Variants in DNAJB14 observed in about 807,000 individuals in gnomAD.
The protein encoded by DNAJB14 is dnaJ homolog subfamily B member 14.
A neutral mutation model predicts 48.4 loss-of-function variants in DNAJB14; 22 were observed. That is an observed-to-expected ratio of 0.45 (90% CI 0.32 to 0.65). DNAJB14 has a LOEUF of 0.65. Ranked by LOEUF, DNAJB14 falls within the 30% of genes least tolerant of loss-of-function variation. DNAJB14 has a pLI of 0.03. For synonymous variants in DNAJB14, 142 were observed against 158.7 expected, an observed-to-expected ratio of 0.89 and a Z score of 0.79; for missense variants, 319 against 458.8, an observed-to-expected ratio of 0.70 and a Z score of 2.78.
At chr4:99,913,322 T>C (rs1725732709) in intron 3 of DNAJB14, among the ~76,000 whole-genome samples, 1 of 152,234 alleles carries the variant, frequency 6.6e-6, no homozygotes. Context: ...AGTTCTGTAG[T>C]TGCTCTTTAT....
chr4:99,914,634 A>T (rs549404735), intron 3 of DNAJB14, among the ~76,000 whole-genome samples: 20 of 152,246 alleles, frequency 1.3e-4, no homozygotes, highest in African/African-American at 4.6e-4. Flanking sequence ...CCTAGAACTT[A>T]AAGGATAATA....
intron 2 of DNAJB14, among the ~76,000 whole-genome samples, chr4:99,924,067 G>C (rs182678532): frequency 2.6e-5 from 4 of 152,242 alleles, no homozygotes; most frequent in African/African-American, 9.6e-5. Flanking sequence ...GAATGGAACA[G>C]AGAACATTAC....
intron 1 of DNAJB14, among the ~76,000 whole-genome samples, chr4:99,931,669 C>T (rs572271401): frequency 1.3e-5 from 2 of 151,974 alleles, no homozygotes; most frequent in South Asian, 2.1e-4. Flanking sequence ...ATATCTCTTT[C>T]TCACAGGCCC....
chr4:99,903,618 A>G (rs1725367748), intron 7 of DNAJB14, 108 bp downstream of exon 7: 2 of 1,218,890 alleles, frequency 1.6e-6, no homozygotes, highest in Non-Finnish European at 2.3e-6. Flanking sequence ...CTGTGCTCCA[A>G]TTATGTGCCA....
chr4:99,914,438 G>A (rs1238939768), intron 3 of DNAJB14, among the ~76,000 whole-genome samples: 2 of 152,078 alleles, frequency 1.3e-5, no homozygotes, highest in Non-Finnish European at 2.9e-5. Flanking sequence ...GGTGGGAATT[G>A]AACAATGAGA....
chr4:99,903,004 CA>C (rs1231210431), intron 7 of DNAJB14, among the ~76,000 whole-genome samples: 6 of 152,138 alleles, frequency 3.9e-5, no homozygotes, highest in Non-Finnish European at 5.9e-5. Context: ...ATAGAGGTTA[CA>C]ATTCGTCAGC....
intron 7 of DNAJB14, 82 bp from the exon 8 acceptor site, chr4:99,901,234 A>G (rs1384557203): frequency 3.5e-5 from 43 of 1,241,692 alleles, no homozygotes; most frequent in East Asian, 5.4e-5. Flanking sequence ...GCTTTACAGG[A>G]GCCCTTTGAT....
chr4:99,903,687 C>A lies in DNAJB14; in HGVS notation c.1015+39G>T, dbSNP rs758126461. On this transcript the variant is annotated intron_variant, in intron 7 of 7. Transcript: ENST00000442697. ...CTACATTAATCAGTTCCAAAGACTG[C>A]GAATAAGTTTTAAAATGTTAAACAC... The A allele has an allele frequency of 6.3e-6, 10 of 1,575,310 alleles. No individual in the cohort carries two copies. In the East Asian group the frequency reaches 1.8e-4, roughly 28 times the overall value.
At chr4:99,918,743 C>T (rs1725946708) in intron 3 of DNAJB14, among the ~76,000 whole-genome samples, 1 of 152,202 alleles carries the variant, frequency 6.6e-6, no homozygotes, top group African/African-American at 2.4e-5. Flanking sequence ...CATTACTGTT[C>T]TCCATTTAAC....
chr4:99,914,458 C>T (rs776516401), intron 3 of DNAJB14, among the ~76,000 whole-genome samples: 3 of 151,928 alleles, frequency 2.0e-5, no homozygotes, highest in South Asian at 4.2e-4. Flanking sequence ...AACCCTTGGA[C>T]GCAGGAAGGG....
chr4:99,929,773 C>T (rs1726393772), intron 2 of DNAJB14: 1 of 152,148 alleles, frequency 6.6e-6, no homozygotes, highest in African/African-American at 2.4e-5. Flanking sequence ...TGTTCAAAAT[C>T]CTTAATCTTT....
intron 1 of DNAJB14, among the ~76,000 whole-genome samples, chr4:99,937,122 C>A (rs1413338587): frequency 2.0e-5 from 3 of 151,958 alleles, no homozygotes; most frequent in Non-Finnish European, 4.4e-5. Context: ...CGAGACTATC[C>A]TGGCTAACAC....
intron 2 of DNAJB14, among the ~76,000 whole-genome samples, chr4:99,923,506 CAAT>C (rs758329226): frequency 1.7e-4 from 26 of 151,964 alleles, no homozygotes; most frequent in Non-Finnish European, 3.5e-4. Flanking sequence ...TAAAATGAGA[CAAT>C]AATAATAATT....
intron 1 of DNAJB14, among the ~76,000 whole-genome samples, chr4:99,942,708 A>G (rs1176531963): frequency 6.6e-6 from 1 of 152,116 alleles, no homozygotes; most frequent in African/African-American, 2.4e-5. Context: ...CAATTTCTGA[A>G]AGTGTCTTAT....
rs145835331 is a variant in DNAJB14, at chr4:99,943,889, C to G, written c.133+2550G>C. 6.6e-5 allele frequency among the ~76,000 whole-genome samples: 10 copies of G among 152,140 alleles called. No homozygotes were observed. In the East Asian group the frequency reaches 1.9e-3, roughly 29 times the overall value. ...ACAAAGCAAAAATAGAAAAATGGCA[C>G]TACAACAAACTTAAAAACTTATGTG... is the stretch of plus-strand genomic sequence containing the variant. On this transcript the variant is annotated intron_variant, in intron 1 of 7. Coordinates refer to ENST00000442697, the MANE Select transcript of DNAJB14 (RefSeq NM_001031723.4).
intron 3 of DNAJB14, among the ~76,000 whole-genome samples, chr4:99,918,222 A>G (rs1458628867): frequency 6.6e-6 from 1 of 152,012 alleles, no homozygotes; most frequent in Non-Finnish European, 1.5e-5. Flanking sequence ...CTAGCTCACC[A>G]ATTATTTCCT....
chr4:99,936,909 G>T (rs1726695850), intron 1 of DNAJB14, among the ~76,000 whole-genome samples: 1 of 152,174 alleles, frequency 6.6e-6, no homozygotes, highest in Admixed American at 6.5e-5. Context: ...AATTTTTTCA[G>T]GAAAGAATAA....
chr4:99,920,095 A>G (rs1308473152), intron 3 of DNAJB14, among the ~76,000 whole-genome samples: 3 of 152,232 alleles, frequency 2.0e-5, no homozygotes, highest in Non-Finnish European at 4.4e-5. Context: ...TGAAATAAGA[A>G]TGACACTGGT....
intron 1 of DNAJB14, among the ~76,000 whole-genome samples, chr4:99,937,642 C>T (rs541554895): frequency 6.6e-6 from 1 of 152,206 alleles, no homozygotes; most frequent in East Asian, 1.9e-4. Context: ...AGAAGAATTA[C>T]TTGAGCCCAG....
Sources: gnomAD v4.1 joint callset for allele counts (sites outside exome capture counted in the v4.1 genomes callset) on GRCh38, gnomAD v4.1.1 for gene constraint, MANE v1.5 for transcripts, NCBI Gene and HGNC (gene_info 2026-07-23, HGNC 2026-07-21) for gene names.